The following CPLX1 variants were observed in gnomAD, a reference collection of about 807,000 sequenced individuals.
CPLX1 encodes complexin 1, also known as complexin-1.
In CPLX1, 6 loss-of-function variants were observed where a neutral mutation model predicts 15.6. The observed-to-expected ratio is 0.39, with a 90% confidence interval of 0.21 to 0.76. CPLX1 has a LOEUF of 0.76. Among genes scored for constraint, CPLX1 ranks in the 30% least tolerant of loss-of-function variants. CPLX1 has a pLI of 0.43. For missense variants in CPLX1, 242 were observed against 188.6 expected, an observed-to-expected ratio of 1.28 and a Z score of -1.66; for synonymous variants, 91 against 75.2, an observed-to-expected ratio of 1.21 and a Z score of -1.08.
intron 2 of CPLX1, among the ~76,000 whole-genome samples, chr4:823,623 A>T (rs780755712): frequency 3.9e-5 from 6 of 152,230 alleles, no homozygotes; most frequent in Non-Finnish European, 7.3e-5. Flanking sequence ...GGGGGAACAC[A>T]GGATGGACGG....
intron 2 of CPLX1, among the ~76,000 whole-genome samples, chr4:813,622 C>A (rs967363852): frequency 6.6e-6 from 1 of 152,172 alleles, no homozygotes; most frequent in Non-Finnish European, 1.5e-5. Context: ...AGGCACCAAT[C>A]CTAAAGGGCA....
intron 3 of CPLX1, among the ~76,000 whole-genome samples, chr4:788,749 G>C (rs945455166): frequency 1.5e-5 from 2 of 134,982 alleles, no homozygotes; most frequent in Admixed American, 6.9e-5. Context: ...TGGAAGCTAG[G>C]TCCGGCCAGA....
chr4:812,863 T>C (rs191082337), intron 2 of CPLX1, among the ~76,000 whole-genome samples: 65 of 152,336 alleles, frequency 4.3e-4, no homozygotes, highest in Middle Eastern at 3.4e-3. Context: ...GCCGTCCTAA[T>C]GCCAGGCACC....
intron 2 of CPLX1, among the ~76,000 whole-genome samples, chr4:798,165 C>T (rs1746380597): frequency 1.3e-5 from 2 of 149,910 alleles, no homozygotes; most frequent in Non-Finnish European, 3.0e-5. Flanking sequence ...ATCCCAGCTA[C>T]TTGAGAGGCT....
Position 826,077 on chromosome 4 carries a change from C to A in CPLX1, c.-111G>T. On this transcript the variant is annotated 5_prime_UTR_variant, in exon 1 of 4. Transcript: ENST00000304062. ...GGGGCGCGGGCGGTCAGCGGCGGGGCGCGCTCGGGCCGGCTGGGTCCATGT... is the reference window on the plus strand; with the variant it reads ...GGGGCGCGGGCGGTCAGCGGCGGGGAGCGCTCGGGCCGGCTGGGTCCATGT... 1 of 144,562 alleles carries A rather than the reference C, an allele frequency of 6.9e-6. No individual in the cohort carries two copies. The highest frequency in any genetic ancestry group is 2.1e-4 in the South Asian group (1 of 4,724). The allele number at this position is 144,562 out of a possible 1,614,324, so 9.0% of individuals were successfully genotyped here.
At chr4:801,867 C>T (rs1477351125) in intron 2 of CPLX1, among the ~76,000 whole-genome samples, 2 of 152,234 alleles carry the variant, frequency 1.3e-5, no homozygotes, top group African/African-American at 4.8e-5. Context: ...CACCACATTC[C>T]TACTCAAATG....
chr4:786,117 C>G lies in CPLX1; in HGVS notation c.*384G>C, dbSNP rs1195956405. On this transcript the variant is annotated 3_prime_UTR_variant, in exon 4 of 4. Coordinates refer to ENST00000304062, the MANE Select transcript of CPLX1 (RefSeq NM_006651.4). ...CGCCCTCGCCCCGCCCGCAGCCCCC[C>G]GTCTGCTATGGCTGTGCTCCTGAGT... 2 of 158,422 alleles carry G rather than the reference C, an allele frequency of 1.3e-5. No individual in the cohort carries two copies. Among genetic ancestry groups the G allele is most frequent in the Non-Finnish European group, 2.8e-5 (2 of 72,396 alleles). The allele number at this position is 158,422 out of a possible 1,614,324, so 9.8% of individuals were successfully genotyped here.
intron 2 of CPLX1, among the ~76,000 whole-genome samples, chr4:798,381 A>C (rs1253360981): frequency 6.6e-6 from 1 of 152,038 alleles, no homozygotes; most frequent in African/African-American, 2.4e-5. Context: ...AGAGCTGCAG[A>C]GGGAATTCAA....
intron 2 of CPLX1, among the ~76,000 whole-genome samples, chr4:796,452 AT>A (rs1247605889): frequency 1.3e-5 from 2 of 152,052 alleles, no homozygotes; most frequent in African/African-American, 2.4e-5. Context: ...CGCCTGGCTA[AT>A]TTTTGTATTT....
Position 824,494 on chromosome 4 carries a change from C to CCTAGA in CPLX1, c.24_28dup (p.Gly10ValfsTer2). On this transcript the variant is annotated stop_gained and frameshift_variant, in exon 2 of 4. Transcript: ENST00000304062. LOFTEE classifies it high-confidence loss of function. ...CCACCCCACCTCCCGCTTCCTACCT[C>CCTAGA]CTAGAGCCTGCTTCATCACAAACTC... 6.2e-7 allele frequency: 1 copy of CCTAGA among 1,612,826 alleles called. No homozygotes were observed. The highest frequency in any genetic ancestry group is 8.5e-7 in the Non-Finnish European group (1 of 1,179,694).
At position 790,584 on chromosome 4, in the gene CPLX1, C is replaced by T. The variant is rs142964794; in HGVS notation, c.207+1849G>A. ...TTGGGGTCCCCTCAGCCTGCCCTAT[C>T]CTGCCTCTGGGGACCCTGAGGAATG... On this transcript the variant is annotated intron_variant, in intron 3 of 3. Transcript: ENST00000304062. Among the ~76,000 whole-genome samples, 597 of 152,308 alleles carry T rather than the reference C, an allele frequency of 3.9e-3. 5 individuals are homozygous for T. Among genetic ancestry groups the T allele is most frequent in the Middle Eastern group, 0.014 (4 of 294 alleles).
intron 2 of CPLX1, among the ~76,000 whole-genome samples, chr4:822,931 C>G (rs932305210): frequency 2.0e-5 from 3 of 152,240 alleles, no homozygotes; most frequent in Non-Finnish European, 2.9e-5. Context: ...GTGGAGCCCC[C>G]CCAGGGTCTG....
intron 2 of CPLX1, among the ~76,000 whole-genome samples, chr4:798,250 G>A (rs1746382445): frequency 6.7e-6 from 1 of 149,624 alleles, no homozygotes; most frequent in African/African-American, 2.5e-5. Context: ...ACTCCAGCCT[G>A]GGTGACAGTG....
chr4:796,585 A>G (rs773758982), intron 2 of CPLX1, among the ~76,000 whole-genome samples: 1 of 152,246 alleles, frequency 6.6e-6, no homozygotes, highest in African/African-American at 2.4e-5. Flanking sequence ...ACCCAGCCCA[A>G]TGTTAATTTT....
chr4:788,435 G>A (rs1746066638), intron 3 of CPLX1: 1 of 985,422 alleles, frequency 1.0e-6, no homozygotes, highest in African/African-American at 1.7e-5. Flanking sequence ...TGAGGAGAGA[G>A]GGGCCGTGGG....
intron 3 of CPLX1, chr4:788,417 C>G (rs1746066385): frequency 1.0e-6 from 1 of 985,238 alleles, no homozygotes; most frequent in Admixed American, 6.1e-5. Context: ...AGACCACCAC[C>G]TGGCCACTGA....
chr4:805,937 C>T (rs1016867062), intron 2 of CPLX1, among the ~76,000 whole-genome samples: 2 of 151,646 alleles, frequency 1.3e-5, no homozygotes, highest in Admixed American at 6.6e-5. Flanking sequence ...GTGGTGGGTG[C>T]GAGGGGCTGG....
At chr4:818,511 G>T (rs112880455) in intron 2 of CPLX1, among the ~76,000 whole-genome samples, 1 of 152,266 alleles carries the variant, frequency 6.6e-6, no homozygotes, top group Non-Finnish European at 1.5e-5. Context: ...AGCAACTCTG[G>T]TGGCTTTGCA....
intron 2 of CPLX1, chr4:804,836 G>A (rs969700765): frequency 2.4e-5 from 24 of 985,340 alleles, no homozygotes; most frequent in Non-Finnish European, 2.9e-5. Context: ...CAAGCGTGGG[G>A]AGCGACGTGC....
Sources: gnomAD v4.1 joint callset for allele counts (sites outside exome capture counted in the v4.1 genomes callset) on GRCh38, gnomAD v4.1.1 for gene constraint, MANE v1.5 for transcripts, NCBI Gene and HGNC (gene_info 2026-07-23, HGNC 2026-07-21) for gene names.